Variants in CDK6 observed in about 807,000 individuals in gnomAD.
The protein encoded by CDK6 is cyclin-dependent kinase 6.
Under a neutral mutation model 37.1 loss-of-function variants are expected in CDK6, and 6 were observed. The ratio of observed to expected loss-of-function variants is 0.16; its 90% CI spans 0.09 to 0.32. CDK6 has a LOEUF of 0.32. CDK6 is among the 10% of genes least tolerant of loss of function. CDK6 has a pLI of 1.00. For missense variants in CDK6, 224 were observed against 418.9 expected (o/e 0.53, Z 4.06); for synonymous variants, 160 against 161.3 (o/e 0.99, Z 0.06).
chr7:92,703,123 T>G (rs1797893843), intron 4 of CDK6, among the ~76,000 whole-genome samples: 1 of 152,126 alleles, frequency 6.6e-6, no homozygotes, highest in African/African-American at 2.4e-5. Flanking sequence ...AACATCCCCT[T>G]AGCCAGATCT....
intron 4 of CDK6, among the ~76,000 whole-genome samples, chr7:92,709,144 A>C (rs1798030888): frequency 6.6e-6 from 1 of 152,026 alleles, no homozygotes; most frequent in Non-Finnish European, 1.5e-5. Flanking sequence ...ATCTTTCTTA[A>C]AACAGCCTCC....
intron 2 of CDK6, among the ~76,000 whole-genome samples, chr7:92,806,786 G>T (rs961736388): frequency 6.6e-6 from 1 of 152,142 alleles, no homozygotes; most frequent in African/African-American, 2.4e-5. Flanking sequence ...GCACTAGACA[G>T]AAAGGCTGTG....
chr7:92,772,270 T>A (rs1192859064), intron 3 of CDK6, among the ~76,000 whole-genome samples: 3 of 152,170 alleles, frequency 2.0e-5, no homozygotes, highest in African/African-American at 7.2e-5. Flanking sequence ...GCAAAAAATG[T>A]TTGATTAACC....
chr7:92,660,233 G>A (rs888847695), intron 5 of CDK6, among the ~76,000 whole-genome samples: 2 of 152,300 alleles, frequency 1.3e-5, no homozygotes, highest in East Asian at 3.9e-4. Context: ...AGTGGCTCAG[G>A]AAAGTGCTCT....
chr7:92,809,314 A>C (rs925238248), intron 2 of CDK6, among the ~76,000 whole-genome samples: 3 of 152,190 alleles, frequency 2.0e-5, no homozygotes, highest in African/African-American at 7.2e-5. Context: ...GCTCAATGTT[A>C]ATAATTTTAG....
At chr7:92,774,057 C>A (rs939265997) in intron 3 of CDK6, among the ~76,000 whole-genome samples, 16 of 152,190 alleles carry the variant, frequency 1.1e-4, no homozygotes, top group African/African-American at 3.9e-4. Context: ...TTCCATTAGA[C>A]TTAAAGGTAG....
chr7:92,790,448 C>A (rs995713326), intron 2 of CDK6, among the ~76,000 whole-genome samples: 2 of 152,044 alleles, frequency 1.3e-5, no homozygotes, highest in Non-Finnish European at 2.9e-5. Context: ...AAAATCTGAT[C>A]GATAGCATTG....
rs959703775 is a variant in CDK6, at chr7:92,613,360, A to C, written c.*1780T>G. ...TTTGAAAATCCTAACCCTAAACATA[A>C]TCTAACTGTTGCATGATCTAACTGT... On this transcript the variant is annotated 3_prime_UTR_variant, in exon 8 of 8. Coordinates refer to ENST00000424848, the MANE Select transcript of CDK6 (RefSeq NM_001145306.2). 8.6e-6 allele frequency: 2 copies of C among 233,416 alleles called. No individual in the cohort carries two copies. The highest frequency in any genetic ancestry group is 1.7e-5 in the Non-Finnish European group (2 of 118,006). The allele number at this position is 233,416 out of a possible 1,614,324, so 14.5% of individuals were successfully genotyped here.
chr7:92,805,654 T>C (rs1404687617), intron 2 of CDK6, among the ~76,000 whole-genome samples: 1 of 152,188 alleles, frequency 6.6e-6, no homozygotes, highest in Admixed American at 6.5e-5. Flanking sequence ...TCAAAAGGCT[T>C]AGTAAAACTT....
At chr7:92,707,501 T>C (rs1397566217) in intron 4 of CDK6, among the ~76,000 whole-genome samples, 2 of 152,200 alleles carry the variant, frequency 1.3e-5, no homozygotes, top group African/African-American at 4.8e-5. Context: ...GAAAAAGTAA[T>C]ATTCCAGGAA....
chr7:92,617,647 T>G (rs1281916674), intron 7 of CDK6, among the ~76,000 whole-genome samples: 1 of 152,238 alleles, frequency 6.6e-6, no homozygotes, highest in African/African-American at 2.4e-5. Context: ...GAAGTATTGC[T>G]ATATAGTTCT....
intron 4 of CDK6, among the ~76,000 whole-genome samples, chr7:92,696,936 A>G (rs1241431672): frequency 6.6e-6 from 1 of 152,172 alleles, no homozygotes; most frequent in African/African-American, 2.4e-5. Context: ...AAATCATCCA[A>G]TCAAATATGA....
chr7:92,769,446 T>C (rs1047337430), intron 3 of CDK6, among the ~76,000 whole-genome samples: 1 of 152,228 alleles, frequency 6.6e-6, no homozygotes, highest in South Asian at 2.1e-4. Context: ...TTCTTTTGTG[T>C]GACCTTTCAG....
At chr7:92,792,696 A>T (rs1584094648) in intron 2 of CDK6, among the ~76,000 whole-genome samples, 1 of 152,100 alleles carries the variant, frequency 6.6e-6, no homozygotes. Flanking sequence ...ACTATTTCCA[A>T]AGGCCATAAG....
At chr7:92,805,749 T>C (rs1800709219) in intron 2 of CDK6, among the ~76,000 whole-genome samples, 1 of 152,220 alleles carries the variant, frequency 6.6e-6, no homozygotes, top group Non-Finnish European at 1.5e-5. Flanking sequence ...AGAAGTGTAA[T>C]GATTCTCATG....
intron 2 of CDK6, among the ~76,000 whole-genome samples, chr7:92,781,275 C>T (rs1033624731): frequency 3.9e-5 from 6 of 152,330 alleles, no homozygotes; most frequent in East Asian, 1.9e-4. Context: ...TGTCCTGACC[C>T]GCCAGCTGCA....
intron 5 of CDK6, among the ~76,000 whole-genome samples, chr7:92,642,184 T>C (rs1457083188): frequency 6.6e-6 from 1 of 151,508 alleles, no homozygotes; most frequent in African/African-American, 2.4e-5. Flanking sequence ...TGTGGAGGAG[T>C]CAGCTGACCC....
At chr7:92,758,881 T>C (rs1205363239) in intron 3 of CDK6, among the ~76,000 whole-genome samples, 1 of 152,196 alleles carries the variant, frequency 6.6e-6, no homozygotes, top group African/African-American at 2.4e-5. Context: ...CTAGGTATTT[T>C]GTTCTTTTTG....
intron 4 of CDK6, among the ~76,000 whole-genome samples, chr7:92,684,321 C>G (rs971764350): frequency 1.3e-5 from 2 of 152,126 alleles, no homozygotes; most frequent in African/African-American, 4.8e-5. Flanking sequence ...CCAGAATAGT[C>G]AACATTTCCA....
Sources: gnomAD v4.1 joint callset for allele counts (sites outside exome capture counted in the v4.1 genomes callset) on GRCh38, gnomAD v4.1.1 for gene constraint, MANE v1.5 for transcripts, NCBI Gene and HGNC (gene_info 2026-07-23, HGNC 2026-07-21) for gene names.